Variants in MAGI3 observed in about 807,000 individuals in gnomAD.
MAGI3 encodes membrane-associated guanylate kinase, WW and PDZ domain-containing protein 3.
Under a neutral mutation model 121.8 loss-of-function variants are expected in MAGI3, and 43 were observed. That is an observed-to-expected ratio of 0.35 (90% CI 0.28 to 0.46). The LOEUF (loss-of-function observed/expected upper bound fraction) is 0.46, where lower values mean the gene tolerates loss of function less well. Ranked by LOEUF, MAGI3 falls within the 20% of genes least tolerant of loss-of-function variation. The pLI is 1.00. For synonymous variants in MAGI3, 553 were observed against 639.3 expected (o/e 0.86, Z 2.04); for missense variants, 1,547 against 1,797.3 (o/e 0.86, Z 2.52).
chr1:113,495,371 T>A (rs1185762389), intron 1 of MAGI3, among the ~76,000 whole-genome samples: 1 of 151,780 alleles, frequency 6.6e-6, no homozygotes, highest in Non-Finnish European at 1.5e-5. Context: ...TTTTTTTTTT[T>A]TAATTTCAGT....
intron 1 of MAGI3, among the ~76,000 whole-genome samples, chr1:113,522,985 C>T (rs1658275687): frequency 6.6e-6 from 1 of 152,192 alleles, no homozygotes; most frequent in African/African-American, 2.4e-5. Context: ...GTAACTACTA[C>T]AATTCCCATG....
At position 113,594,501 on chromosome 1, in the gene MAGI3, C is replaced by T; in HGVS notation, c.959C>T (p.Thr320Ile). ...YFIDHNTKTT[T>I]WLDPRLCKKA... is the part of the protein sequence containing the mutation. Reference sequence around the variant, plus strand: ...TACAGCCACAATACCAAGACAACCACCTGGTTGGATCCTCGTCTTTGTAAG... The same window carrying T: ...TACAGCCACAATACCAAGACAACCATCTGGTTGGATCCTCGTCTTTGTAAG... Residue 320 changes from threonine to isoleucine, a missense_variant, in exon 6 of 21, where the codon ACC becomes ATC. Physicochemically the swap from Thr to Ile is moderately conservative, Grantham distance 89. Transcript: ENST00000307546. The T allele has an allele frequency of 6.2e-7, 1 of 1,612,830 alleles. No homozygotes were observed. Among genetic ancestry groups the T allele is most frequent in the Non-Finnish European group, 8.5e-7 (1 of 1,179,396 alleles).
intron 6 of MAGI3, among the ~76,000 whole-genome samples, chr1:113,599,831 T>A (rs1325005615): frequency 6.6e-6 from 1 of 151,782 alleles, no homozygotes; most frequent in Non-Finnish European, 1.5e-5. Context: ...AATAAAATAC[T>A]GGCAAACTGA....
At chr1:113,678,113 GT>G (rs11447632) in intron 19 of MAGI3, among the ~76,000 whole-genome samples, 14 of 147,392 alleles carry the variant, frequency 9.5e-5, no homozygotes, top group East Asian at 2.0e-4. Flanking sequence ...AGTTTTTGTT[GT>G]TTTTTTTTTT....
chr1:113,529,737 C>A (rs1658619303), intron 1 of MAGI3, among the ~76,000 whole-genome samples: 1 of 151,120 alleles, frequency 6.6e-6, no homozygotes, highest in South Asian at 2.1e-4. Flanking sequence ...AAATTATTTT[C>A]AAAAATAACC....
chr1:113,615,355 G>C (rs141699094), intron 7 of MAGI3, among the ~76,000 whole-genome samples: 1 of 152,066 alleles, frequency 6.6e-6, no homozygotes, highest in Non-Finnish European at 1.5e-5. Flanking sequence ...GACCTCAAGC[G>C]TCTAGCAGCA....
At chr1:113,548,570 T>C (rs1659637964) in intron 1 of MAGI3, among the ~76,000 whole-genome samples, 1 of 152,146 alleles carries the variant, frequency 6.6e-6, no homozygotes, top group Non-Finnish European at 1.5e-5. Flanking sequence ...TGGCCAAGAA[T>C]AGGTGGAGCA....
At chr1:113,633,053 C>T (rs886206627) in intron 9 of MAGI3, among the ~76,000 whole-genome samples, 4 of 100,824 alleles carry the variant, frequency 4.0e-5, no homozygotes, top group Admixed American at 3.5e-4. Flanking sequence ...TCCCTCCCCC[C>T]TCCCCCCACC....
chr1:113,622,049 G>A (rs770491831), intron 8 of MAGI3, among the ~76,000 whole-genome samples: 6 of 152,108 alleles, frequency 3.9e-5, no homozygotes, highest in Admixed American at 2.6e-4. Flanking sequence ...GCTGATAGTC[G>A]CATGACATTG....
chr1:113,434,092 T>C (rs527273887), intron 1 of MAGI3, among the ~76,000 whole-genome samples: 22 of 152,298 alleles, frequency 1.4e-4, no homozygotes, highest in African/African-American at 5.3e-4. Flanking sequence ...ATATTAGAGC[T>C]GTACCCTGGT....
intron 3 of MAGI3, among the ~76,000 whole-genome samples, chr1:113,584,931 C>T (rs1648260497): frequency 6.8e-6 from 1 of 147,188 alleles, no homozygotes; most frequent in Non-Finnish European, 1.5e-5. Flanking sequence ...GTGCTTTGAG[C>T]GCTTTGGCCT....
chr1:113,585,492 G>A lies in MAGI3; in HGVS notation c.659G>A (p.Arg220Lys), dbSNP rs1648309374. The change falls in exon 4 of 21, where the codon AGA becomes AAA. Residue 220 changes from arginine (R) to lysine (K), a missense_variant. Coordinates refer to ENST00000307546, the MANE Select transcript of MAGI3 (RefSeq NM_001142782.2). ...FDNEFDAESQRKRTTSVSKME... is the reference protein window; with the variant it reads ...FDNEFDAESQKKRTTSVSKME... Reference sequence around the variant, plus strand: ...AATGAGTTTGATGCAGAATCTCAAAGAAAACGAACGACATCTGTCAGCAAG... The same window carrying A: ...AATGAGTTTGATGCAGAATCTCAAAAAAAACGAACGACATCTGTCAGCAAG... 6.2e-7 allele frequency: 1 copy of A among 1,614,092 alleles called. No individual in the cohort carries two copies. Among genetic ancestry groups the A allele is most frequent in the Non-Finnish European group, 8.5e-7 (1 of 1,180,000 alleles).
chr1:113,461,170 C>T (rs1380380245), intron 1 of MAGI3, among the ~76,000 whole-genome samples: 1 of 152,156 alleles, frequency 6.6e-6, no homozygotes, highest in Non-Finnish European at 1.5e-5. Context: ...AAGCAATGTA[C>T]AGATTCAATG....
At chr1:113,630,643 G>A (rs919135702) in intron 9 of MAGI3, among the ~76,000 whole-genome samples, 1 of 152,166 alleles carries the variant, frequency 6.6e-6, no homozygotes, top group Non-Finnish European at 1.5e-5. Flanking sequence ...GGTTATTCAG[G>A]GCCCAGGGGC....
intron 1 of MAGI3, among the ~76,000 whole-genome samples, chr1:113,398,851 TTATC>T (rs1163612905): frequency 2.0e-5 from 3 of 152,006 alleles, no homozygotes; most frequent in Non-Finnish European, 4.4e-5. Context: ...TTGGATATGG[TTATC>T]TAGTTTGCAG....
At chr1:113,433,000 G>A (rs867614190) in intron 1 of MAGI3, among the ~76,000 whole-genome samples, 1 of 152,064 alleles carries the variant, frequency 6.6e-6, no homozygotes, top group Non-Finnish European at 1.5e-5. Context: ...GGAATATAGT[G>A]AGACTCCATT....
Position 113,684,081 on chromosome 1 carries a change from G to T in MAGI3, c.*67G>T. 3 of 1,353,962 alleles carry T rather than the reference G, an allele frequency of 2.2e-6. No individual in the cohort carries two copies. The highest frequency in any genetic ancestry group is 1.7e-5 in the South Asian group (1 of 58,712). The allele number at this position is 1,353,962 out of a possible 1,614,324, so 83.9% of individuals were successfully genotyped here. A position where few individuals can be genotyped will look rare whatever the true frequency, so the allele number is the denominator to read the frequency against. ...TTACAGCAGCATTTTTCCAGAAAAAGCCTTTTTTTTTTTTTCAGATATTCT... is the reference window on the plus strand; with the variant it reads ...TTACAGCAGCATTTTTCCAGAAAAATCCTTTTTTTTTTTTTCAGATATTCT... On this transcript the variant is annotated 3_prime_UTR_variant, in exon 21 of 21. Coordinates refer to ENST00000307546, the MANE Select transcript of MAGI3 (RefSeq NM_001142782.2).
In MAGI3 at chr1:113,391,447, C is replaced by A; in HGVS notation, c.316+98C>A. ...GGCACCTCCCCACCGCGTATTGTCCCGGGTAATCTTAGACCTCTAGGGTGT... is the reference window on the plus strand; with the variant it reads ...GGCACCTCCCCACCGCGTATTGTCCAGGGTAATCTTAGACCTCTAGGGTGT... On this transcript the variant is annotated intron_variant, in intron 1 of 20. Coordinates refer to ENST00000307546, the MANE Select transcript of MAGI3 (RefSeq NM_001142782.2). The surrounding 1 kb of genome is among the most constrained non-coding windows in gnomAD (Gnocchi z 4.4). The A allele has an allele frequency of 7.4e-7, 1 of 1,346,354 alleles. No homozygotes were observed. Among genetic ancestry groups the A allele is most frequent in the Non-Finnish European group, 1.0e-6 (1 of 973,386 alleles). 83.4% of individuals were successfully genotyped at this position (1,346,354 alleles called of 1,614,324 possible). A position where few individuals can be genotyped will look rare whatever the true frequency, so the allele number is the denominator to read the frequency against.
chr1:113,472,678 G>A (rs867678010), intron 1 of MAGI3, among the ~76,000 whole-genome samples: 4 of 150,314 alleles, frequency 2.7e-5, no homozygotes, highest in Middle Eastern at 6.9e-3. Flanking sequence ...GTGTGTGTGT[G>A]TATGTGTGTG....
Sources: allele counts gnomAD v4.1 joint callset (sites outside exome capture counted in the v4.1 genomes callset), GRCh38; gene constraint gnomAD v4.1.1; non-coding constraint Gnocchi (gnomAD v3.1); transcripts MANE v1.5; gene names NCBI Gene and HGNC (gene_info 2026-07-23, HGNC 2026-07-21).